The following LRP2 variants were observed in gnomAD, a reference collection of about 807,000 sequenced individuals.
The protein encoded by LRP2 is low-density lipoprotein receptor-related protein 2.
In LRP2, 172 loss-of-function variants were observed where a neutral mutation model predicts 531.0. The observed-to-expected ratio is 0.32, with a 90% confidence interval of 0.29 to 0.37. The LOEUF is 0.37. Ranked by LOEUF, LRP2 falls within the 10% of genes least tolerant of loss-of-function variation. The probability of loss-of-function intolerance (pLI) is 1.00; values close to 1 mark genes in which losing one functional copy is unlikely to be tolerated. For missense variants in LRP2, 5,167 were observed against 5,868.3 expected, an observed-to-expected ratio of 0.88 and a Z score of 3.90; for synonymous variants, 1,992 against 2,027.6, an observed-to-expected ratio of 0.98 and a Z score of 0.47.
At chr2:169,237,939 T>C (rs540651035) in intron 27 of LRP2, 152 bp downstream of exon 27, 5 of 715,014 alleles carry the variant, frequency 7.0e-6, no homozygotes, top group South Asian at 4.6e-5. Flanking sequence ...TTCGTAGTTA[T>C]GAACACGCAA....
Position 169,206,577 on chromosome 2 carries a change from A to G in LRP2, c.7143T>C (p.Asn2381=). 6.2e-7 allele frequency: 1 copy of G among 1,614,138 alleles called. No homozygotes were observed. The highest frequency in any genetic ancestry group is 1.1e-5 in the South Asian group (1 of 91,078). ...GGAAATTTTCTGTTGAAATGGCACA[A>G]TTCTTGCCATCACTTTGCAGGGTCC... ...AFGTLQSDGK[N]CAISTENFLI... Residue 2381 remains asparagine, a synonymous_variant, in exon 39 of 79, where the codon AAT becomes AAC. Coordinates refer to ENST00000649046, the MANE Select transcript of LRP2 (RefSeq NM_004525.3).
chr2:169,296,218 G>T (rs921215711), intron 4 of LRP2, among the ~76,000 whole-genome samples: 1 of 152,112 alleles, frequency 6.6e-6, no homozygotes, highest in African/African-American at 2.4e-5. Context: ...AGTTTATTAA[G>T]TGTCCTTAAA....
chr2:169,192,131 G>A (rs1687851775), intron 47 of LRP2, 98 bp from the exon 48 acceptor site: 2 of 798,736 alleles, frequency 2.5e-6, no homozygotes, highest in African/African-American at 1.7e-5. Flanking sequence ...AGTATGAAAG[G>A]AAATGGGAGG....
At chr2:169,231,576 C>T in intron 31 of LRP2, 138 bp downstream of exon 31, 1 of 1,054,998 alleles carries the variant, frequency 9.5e-7, no homozygotes, top group Non-Finnish European at 1.5e-6. Context: ...CCCCATACAA[C>T]ACACATCATT....
chr2:169,206,786 G>A lies in LRP2; in HGVS notation c.6934C>T (p.Pro2312Ser). Residue 2312 changes from proline (P) to serine (S), a missense_variant, in exon 39 of 79, where the codon CCA becomes TCA. Physicochemically the swap from Pro to Ser is moderately conservative, Grantham distance 74. This residue lies in a region of LRP2 where 2,811 missense variants were observed against 3,058.0 expected (regional missense o/e 0.92). Coordinates refer to ENST00000649046, the MANE Select transcript of LRP2 (RefSeq NM_004525.3). Reference sequence around the variant, plus strand: ...ATATTGTCTCTTATCACTGTGGGTGGCTCTGTGTTCTCTGGTTCCTTGCTG... The same window carrying A: ...ATATTGTCTCTTATCACTGTGGGTGACTCTGTGTTCTCTGGTTCCTTGCTG... ...QASKEPENTE[P>S]PTVIRDNINW... The A allele has an allele frequency of 3.1e-6, 5 of 1,614,118 alleles. No homozygotes were observed. Among genetic ancestry groups the A allele is most frequent in the Non-Finnish European group, 4.2e-6 (5 of 1,180,002 alleles).
At chr2:169,263,026 A>C (rs1690634428) in intron 16 of LRP2, among the ~76,000 whole-genome samples, 1 of 152,218 alleles carries the variant, frequency 6.6e-6, no homozygotes, top group Non-Finnish European at 1.5e-5. Flanking sequence ...TGGTGCTGGG[A>C]AAACTGGCTA....
chr2:169,327,758 G>T (rs1307847584), intron 1 of LRP2, among the ~76,000 whole-genome samples: 19 of 123,938 alleles, frequency 1.5e-4, no homozygotes, highest in Non-Finnish European at 3.0e-4. Flanking sequence ...AGGGAGGTGG[G>T]GGGGTCAGCC....
At chr2:169,269,974 A>T (rs1314305701) in intron 16 of LRP2, among the ~76,000 whole-genome samples, 1 of 152,148 alleles carries the variant, frequency 6.6e-6, no homozygotes, top group African/African-American at 2.4e-5. Flanking sequence ...TCAAAAAAAG[A>T]CATTTATGGA....
chr2:169,315,122 A>G (rs1684723804), intron 3 of LRP2, among the ~76,000 whole-genome samples: 1 of 152,234 alleles, frequency 6.6e-6, no homozygotes, highest in South Asian at 2.1e-4. Flanking sequence ...AATTAAAATT[A>G]TATAATTCCA....
intron 38 of LRP2, among the ~76,000 whole-genome samples, chr2:169,207,844 C>A (rs189502334): frequency 6.6e-6 from 1 of 152,220 alleles, no homozygotes; most frequent in Non-Finnish European, 1.5e-5. Flanking sequence ...AAAAAGATAA[C>A]TTTATGAAGA....
At position 169,231,716 on chromosome 2, in the gene LRP2, C is replaced by T; in HGVS notation, c.5225G>A (p.Arg1742Lys). The T allele has an allele frequency of 6.2e-7, 1 of 1,613,976 alleles. No homozygotes were observed. Among genetic ancestry groups the T allele is most frequent in the Non-Finnish European group, 8.5e-7 (1 of 1,179,954 alleles). The change falls in exon 31 of 79, where the codon AGA (arginine) becomes AAA (lysine). Residue 1742 changes from arginine (R) to lysine (K), a missense_variant and splice_region_variant. Arg to Lys is a conservative substitution (Grantham distance 26, BLOSUM62 2). Transcript: ENST00000649046. ...CTCACATAAGGAGCATACTATACCT[C>T]TCAAGCAATTCAGGAGATCAGGAGA... ...SLSPDLLNCL[R>K]DDQPFLITVR...
intron 3 of LRP2, among the ~76,000 whole-genome samples, chr2:169,318,224 C>T (rs1445450649): frequency 6.6e-6 from 1 of 151,894 alleles, no homozygotes; most frequent in East Asian, 1.9e-4. Context: ...CCAGGGATGC[C>T]GCAGTTGCCA....
intron 71 of LRP2, 61 bp from the exon 72 acceptor site, chr2:169,140,606 A>G: frequency 1.5e-6 from 2 of 1,323,084 alleles, no homozygotes; most frequent in South Asian, 1.2e-5. Context: ...TGCCCACACC[A>G]TGCAAACCGG....
chr2:169,308,840 C>T (rs1323683889), intron 3 of LRP2, among the ~76,000 whole-genome samples: 4 of 152,178 alleles, frequency 2.6e-5, no homozygotes, highest in Non-Finnish European at 5.9e-5. Context: ...GTCCCACCAA[C>T]AGTGTAAAAG....
chr2:169,362,450 C>T lies in LRP2; in HGVS notation c.-51G>A. The stretch of plus-strand genomic sequence containing the variant: ...GTTCCTTCCCCGGGAGGTGGGCGCG[C>T]GTAGCACACCGCACCGGCAGCGCCT... On this transcript the variant is annotated 5_prime_UTR_variant, in exon 1 of 79. Coordinates refer to ENST00000649046, the MANE Select transcript of LRP2 (RefSeq NM_004525.3). 1 of 1,437,092 alleles carries T rather than the reference C, an allele frequency of 7.0e-7. No homozygotes were observed. The highest frequency in any genetic ancestry group is 9.5e-7 in the Non-Finnish European group (1 of 1,052,520). 89.0% of individuals were successfully genotyped at this position (1,437,092 alleles called of 1,614,324 possible).
intron 1 of LRP2, among the ~76,000 whole-genome samples, chr2:169,336,417 G>A (rs775941598): frequency 6.6e-6 from 1 of 152,032 alleles, no homozygotes; most frequent in Non-Finnish European, 1.5e-5. Flanking sequence ...GCATGCACCT[G>A]TAATCCCAGC....
chr2:169,344,374 G>T (rs539163709), intron 1 of LRP2, among the ~76,000 whole-genome samples: 1 of 152,020 alleles, frequency 6.6e-6, no homozygotes, highest in East Asian at 1.9e-4. Flanking sequence ...GTGATGTTTG[G>T]TTTTCTGTTC....
chr2:169,279,229 G>T (rs1466507226), intron 12 of LRP2, 143 bp downstream of exon 12: 2 of 678,972 alleles, frequency 2.9e-6, no homozygotes, highest in Non-Finnish European at 5.2e-6. Context: ...ATAAATAAGG[G>T]CACAAAATAG....
At chr2:169,184,179 T>C (rs546331551) in intron 50 of LRP2, among the ~76,000 whole-genome samples, 55 of 152,284 alleles carry the variant, frequency 3.6e-4, no homozygotes, top group African/African-American at 1.3e-3. Context: ...TTTTCTGCAG[T>C]GGAACAAAGG....
Sources: allele counts gnomAD v4.1 joint callset (sites outside exome capture counted in the v4.1 genomes callset), GRCh38; gene constraint gnomAD v4.1.1; regional missense constraint gnomAD v4.1.1; transcripts MANE v1.5; gene names NCBI Gene and HGNC (gene_info 2026-07-23, HGNC 2026-07-21).